Variants in ZSWIM6 observed in about 807,000 individuals in gnomAD.
ZSWIM6 encodes the protein zinc finger SWIM-type containing 6.
ZSWIM6 carries 9 observed loss-of-function variants against 113.2 expected under a neutral mutation model. The ratio of observed to expected loss-of-function variants is 0.08; its 90% confidence interval spans 0.05 to 0.14. The LOEUF is 0.14. ZSWIM6 is among the 10% of genes least tolerant of loss of function. ZSWIM6 has a pLI of 1.00. For missense variants in ZSWIM6, 1,162 were observed against 1,552.2 expected, an observed-to-expected ratio of 0.75 and a Z score of 4.22; for synonymous variants, 611 against 606.5, an observed-to-expected ratio of 1.01 and a Z score of -0.11.
intron 1 of ZSWIM6, among the ~76,000 whole-genome samples, chr5:61,368,509 C>T (rs1745204574): frequency 6.6e-6 from 1 of 152,194 alleles, no homozygotes; most frequent in African/African-American, 2.4e-5. Context: ...AACCTCTGAG[C>T]AGTCTGCCTT....
chr5:61,492,948 G>A (rs1748219802), intron 3 of ZSWIM6, among the ~76,000 whole-genome samples: 2 of 152,164 alleles, frequency 1.3e-5, no homozygotes. Context: ...CCTTGCTCCA[G>A]TAATTTCTTA....
intron 1 of ZSWIM6, chr5:61,391,177 G>A: frequency 1.2e-6 from 1 of 820,378 alleles, no homozygotes; most frequent in Non-Finnish European, 2.2e-6. Context: ...CCAACGACTG[G>A]TGACCCCTTT....
chr5:61,390,424 A>G (rs1174174176), intron 1 of ZSWIM6, among the ~76,000 whole-genome samples: 2 of 152,198 alleles, frequency 1.3e-5, no homozygotes, highest in Non-Finnish European at 2.9e-5. Context: ...TTAAATTTGA[A>G]TCTATGACAG....
At chr5:61,337,833 C>T (rs761257242) in intron 1 of ZSWIM6, among the ~76,000 whole-genome samples, 3 of 152,018 alleles carry the variant, frequency 2.0e-5, no homozygotes, top group Non-Finnish European at 2.9e-5. Context: ...TTGGGGGGGA[C>T]TTTAACTTTT....
chr5:61,336,658 G>A (rs1744405025), intron 1 of ZSWIM6, among the ~76,000 whole-genome samples: 1 of 152,068 alleles, frequency 6.6e-6, no homozygotes, highest in Non-Finnish European at 1.5e-5. Context: ...GGGAAGCTGA[G>A]GCAGAAGAAT....
chr5:61,470,559 G>A (rs921308164), intron 1 of ZSWIM6, among the ~76,000 whole-genome samples: 2 of 151,670 alleles, frequency 1.3e-5, no homozygotes, highest in Non-Finnish European at 2.9e-5. Flanking sequence ...TTTCTTCATC[G>A]GAACATAGAT....
intron 1 of ZSWIM6, among the ~76,000 whole-genome samples, chr5:61,359,710 GTTAATA>G (rs1744991295): frequency 6.6e-6 from 1 of 151,830 alleles, no homozygotes; most frequent in South Asian, 2.1e-4. Flanking sequence ...AGCAACAATT[GTTAATA>G]TTGATAAAGT....
Position 61,472,867 on chromosome 5 carries a change from AGG to A in ZSWIM6, c.864_865del (p.Gln288HisfsTer16). ...TTATACCGCATCCGCAAGCCAGATC[AGG>A]TCAAACTGCATCTTCCTATTTCAGA... On this transcript the variant is annotated frameshift_variant, in exon 2 of 14. Transcript: ENST00000252744. LOFTEE classifies it high-confidence loss of function. The surrounding 1 kb of genome is among the most constrained non-coding windows in gnomAD (Gnocchi z 4.1). The A allele has an allele frequency of 6.4e-7, 1 of 1,551,718 alleles. No individual in the cohort carries two copies. The highest frequency in any genetic ancestry group is 8.7e-7 in the Non-Finnish European group (1 of 1,146,972).
chr5:61,486,720 C>G (rs867314566), intron 2 of ZSWIM6, among the ~76,000 whole-genome samples: 7 of 152,066 alleles, frequency 4.6e-5, no homozygotes, highest in African/African-American at 1.4e-4. Flanking sequence ...TTTCATGTGC[C>G]TGTTGGCCAT....
intron 9 of ZSWIM6, among the ~76,000 whole-genome samples, chr5:61,533,055 C>A (rs147857782): frequency 6.8e-4 from 104 of 152,316 alleles, no homozygotes; most frequent in African/African-American, 2.5e-3. Flanking sequence ...TCTCCATGTC[C>A]ATTTTTCATG....
chr5:61,481,035 C>G (rs1209112855), intron 2 of ZSWIM6, among the ~76,000 whole-genome samples: 1 of 152,160 alleles, frequency 6.6e-6, no homozygotes, highest in Non-Finnish European at 1.5e-5. Flanking sequence ...AAAAGGGACA[C>G]TGCTACATAA....
chr5:61,391,620 C>A (rs1206377597), intron 1 of ZSWIM6: 4 of 919,340 alleles, frequency 4.4e-6, no homozygotes, highest in Non-Finnish European at 7.3e-6. Flanking sequence ...CCACAACCAC[C>A]ATGGGTGGTA....
chr5:61,399,017 G>A (rs1369537629), intron 1 of ZSWIM6, among the ~76,000 whole-genome samples: 1 of 141,056 alleles, frequency 7.1e-6, no homozygotes, highest in African/African-American at 2.6e-5. Flanking sequence ...CCGCCTCCTG[G>A]TTTCAAGTGA....
intron 11 of ZSWIM6, 129 bp from the exon 12 acceptor site, chr5:61,539,467 G>A: frequency 8.9e-7 from 1 of 1,125,032 alleles, no homozygotes; most frequent in Non-Finnish European, 1.2e-6. Context: ...AAATTAACTT[G>A]TGCTTTATGT....
At position 61,544,487 on chromosome 5, in the gene ZSWIM6, G is replaced by T; in HGVS notation, c.*170G>T. 2.8e-6 allele frequency: 1 copy of T among 354,922 alleles called. No homozygotes were observed. Among genetic ancestry groups the T allele is most frequent in the East Asian group, 4.6e-5 (1 of 21,884 alleles). 22.0% of individuals were successfully genotyped at this position (354,922 alleles called of 1,614,324 possible). On this transcript the variant is annotated 3_prime_UTR_variant, in exon 14 of 14. Transcript: ENST00000252744. Reference sequence around the variant, plus strand: ...ATTGTCATGTTGTGAAAGTTTGTGTGTTTTTTATTTTTTCCCTATTTCTTT... The same window carrying T: ...ATTGTCATGTTGTGAAAGTTTGTGTTTTTTTTATTTTTTCCCTATTTCTTT...
rs1749681549 is a variant in ZSWIM6, at chr5:61,539,770, G to A, written c.2703+11G>A. The A allele has an allele frequency of 6.5e-7, 1 of 1,545,946 alleles. No individual in the cohort carries two copies. The highest frequency in any genetic ancestry group is 2.0e-5 in the Admixed American group (1 of 50,312). ...GAGCTGGGCCTGCAGGTACATGACT[G>A]GTAGTCTTTCCTGGGACATCAAAGA... On this transcript the variant is annotated intron_variant, in intron 12 of 13. Transcript: ENST00000252744.
intron 1 of ZSWIM6, among the ~76,000 whole-genome samples, chr5:61,432,492 C>T (rs1008851422): frequency 4.6e-5 from 7 of 152,196 alleles, no homozygotes; most frequent in Non-Finnish European, 1.5e-5. Flanking sequence ...CTGCACTGGG[C>T]ACCAAACGAT....
chr5:61,409,778 G>A (rs769229486), intron 1 of ZSWIM6, among the ~76,000 whole-genome samples: 6 of 152,096 alleles, frequency 3.9e-5, no homozygotes, highest in Non-Finnish European at 5.9e-5. Flanking sequence ...TGAGAGCTGC[G>A]GGTGGGTAAG....
chr5:61,391,293 C>CT, intron 1 of ZSWIM6: 1 of 857,640 alleles, frequency 1.2e-6, no homozygotes, highest in Non-Finnish European at 2.0e-6. Context: ...CCCAGTCCAG[C>CT]TTCTTGGCCA....
Sources: allele counts gnomAD v4.1 joint callset (sites outside exome capture counted in the v4.1 genomes callset), GRCh38; gene constraint gnomAD v4.1.1; non-coding constraint Gnocchi (gnomAD v3.1); transcripts MANE v1.5; gene names NCBI Gene and HGNC (gene_info 2026-07-23, HGNC 2026-07-21).